Variants in CACHD1 observed in about 807,000 individuals in gnomAD.
The protein encoded by CACHD1 is cache domain containing 1, also known as VWFA and cache domain-containing protein 1.
A neutral mutation model predicts 138.7 loss-of-function variants in CACHD1; 71 were observed. The ratio of observed to expected loss-of-function variants is 0.51; its 90% CI spans 0.42 to 0.62. The LOEUF (loss-of-function observed/expected upper bound fraction) is 0.62. Among genes scored for constraint, CACHD1 ranks in the 20% least tolerant of loss-of-function variants. The probability of loss-of-function intolerance (pLI) is 0.00; values close to 1 mark genes in which losing one functional copy is unlikely to be tolerated. For missense variants in CACHD1, 1,389 were observed against 1,625.3 expected (o/e 0.85, Z 2.50); for synonymous variants, 578 against 591.5 (o/e 0.98, Z 0.33).
At chr1:64,562,269 G>C (rs1394827305) in intron 2 of CACHD1, among the ~76,000 whole-genome samples, 1 of 151,986 alleles carries the variant, frequency 6.6e-6, no homozygotes, top group Non-Finnish European at 1.5e-5. Flanking sequence ...TGCTCTCCTT[G>C]TAGGTCTCTG....
chr1:64,604,947 AG>A (rs1647292944), intron 4 of CACHD1, among the ~76,000 whole-genome samples: 1 of 147,244 alleles, frequency 6.8e-6, no homozygotes, highest in Non-Finnish European at 1.5e-5. Context: ...CACCTCGCCT[AG>A]GCTTTTTTTC....
chr1:64,477,345 G>C (rs1646179737), intron 1 of CACHD1, among the ~76,000 whole-genome samples: 1 of 152,124 alleles, frequency 6.6e-6, no homozygotes, highest in South Asian at 2.1e-4. Flanking sequence ...TTTAAGATAT[G>C]GTTCACGGAC....
chr1:64,539,808 A>G (rs1050543955), intron 1 of CACHD1, among the ~76,000 whole-genome samples: 2 of 152,180 alleles, frequency 1.3e-5, no homozygotes. Context: ...CTCTCACCCA[A>G]GCTTTTTTTC....
chr1:64,691,114 TTG>T (rs929028716), intron 26 of CACHD1, among the ~76,000 whole-genome samples: 7 of 152,172 alleles, frequency 4.6e-5, no homozygotes, highest in African/African-American at 1.7e-4. Context: ...TATGTATTTA[TTG>T]TGTCATTGTT....
Position 64,692,599 on chromosome 1 carries a change from G to A in CACHD1, c.*1038G>A, listed in dbSNP as rs538148336. On this transcript the variant is annotated 3_prime_UTR_variant, in exon 27 of 27. Coordinates refer to ENST00000651257, the MANE Select transcript of CACHD1 (RefSeq NM_020925.4). The stretch of plus-strand genomic sequence containing the variant: ...AGAATATTGACATATAAGGGAAGAA[G>A]TTTTCTAAATTGTGAAAGTCTGGTT... 5 of 152,200 alleles carry A rather than the reference G, an allele frequency of 3.3e-5. No homozygotes were observed. Among genetic ancestry groups the A allele is most frequent in the Non-Finnish European group, 5.9e-5 (4 of 68,004 alleles). 9.4% of individuals were successfully genotyped at this position (152,200 alleles called of 1,614,324 possible).
intron 1 of CACHD1, among the ~76,000 whole-genome samples, chr1:64,510,587 T>C (rs1646413080): frequency 6.6e-6 from 1 of 152,224 alleles, no homozygotes; most frequent in South Asian, 2.1e-4. Context: ...ACCTAACCAC[T>C]AAGTTTCTGC....
intron 1 of CACHD1, among the ~76,000 whole-genome samples, chr1:64,548,807 G>A (rs1646737304): frequency 6.6e-6 from 1 of 152,216 alleles, no homozygotes. Context: ...AATGTGTTAT[G>A]TAAAACTTTT....
chr1:64,542,982 CACATCA>C (rs1170791075), intron 1 of CACHD1, among the ~76,000 whole-genome samples: 3 of 146,430 alleles, frequency 2.0e-5, no homozygotes, highest in African/African-American at 8.2e-5. Context: ...CATCCACACA[CACATCA>C]ACACACACAC....
intron 3 of CACHD1, among the ~76,000 whole-genome samples, chr1:64,599,226 A>G (rs370173285): frequency 2.0e-5 from 3 of 152,192 alleles, no homozygotes; most frequent in African/African-American, 7.2e-5. Context: ...GACGAAGACA[A>G]TTGATTAGTG....
At chr1:64,478,529 C>A (rs1646189980) in intron 1 of CACHD1, among the ~76,000 whole-genome samples, 1 of 152,172 alleles carries the variant, frequency 6.6e-6, no homozygotes, top group African/African-American at 2.4e-5. Flanking sequence ...GTCTTCTGAT[C>A]AGTCTGTCAG....
intron 4 of CACHD1, among the ~76,000 whole-genome samples, chr1:64,604,802 A>G (rs1358223538): frequency 2.0e-5 from 3 of 151,528 alleles, no homozygotes. Flanking sequence ...ATAGGTGCCC[A>G]CCACCACACC....
chr1:64,666,979 A>T (rs1649657236), intron 16 of CACHD1, among the ~76,000 whole-genome samples: 1 of 152,088 alleles, frequency 6.6e-6, no homozygotes, highest in Non-Finnish European at 1.5e-5. Flanking sequence ...TTAAAAAAAA[A>T]TTGTCCTTGA....
chr1:64,679,172 C>T (rs1422298260), intron 23 of CACHD1, among the ~76,000 whole-genome samples: 2 of 152,180 alleles, frequency 1.3e-5, no homozygotes, highest in African/African-American at 4.8e-5. Flanking sequence ...CCATAAGCTT[C>T]GAAACTTGAT....
chr1:64,627,669 T>C (rs1255654013), intron 4 of CACHD1, among the ~76,000 whole-genome samples: 1 of 152,190 alleles, frequency 6.6e-6, no homozygotes, highest in Non-Finnish European at 1.5e-5. Context: ...ATGCTACATA[T>C]GGTATAAAAA....
intron 1 of CACHD1, among the ~76,000 whole-genome samples, chr1:64,516,928 TCAGA>T (rs1285124445): frequency 1.3e-5 from 2 of 152,124 alleles, no homozygotes; most frequent in African/African-American, 4.8e-5. Flanking sequence ...TTAACTGGAG[TCAGA>T]CAGACTTGGG....
chr1:64,608,229 A>G (rs1412603604), intron 4 of CACHD1, among the ~76,000 whole-genome samples: 3 of 152,200 alleles, frequency 2.0e-5, no homozygotes, highest in African/African-American at 4.8e-5. Context: ...GCAACATTCT[A>G]CTAGGCAGTG....
intron 3 of CACHD1, among the ~76,000 whole-genome samples, chr1:64,597,378 G>A (rs1647162256): frequency 6.6e-6 from 1 of 152,084 alleles, no homozygotes; most frequent in South Asian, 2.1e-4. Flanking sequence ...CGTCAATCAA[G>A]TGAACATCTT....
intron 24 of CACHD1, among the ~76,000 whole-genome samples, 173 bp downstream of exon 24, chr1:64,679,929 C>G (rs1650116763): frequency 6.6e-6 from 1 of 152,194 alleles, no homozygotes; most frequent in African/African-American, 2.4e-5. Flanking sequence ...ACCCTACAAG[C>G]TCTATTTTGA....
chr1:64,472,499 T>C (rs1288111300), intron 1 of CACHD1, among the ~76,000 whole-genome samples: 2 of 152,192 alleles, frequency 1.3e-5, no homozygotes, highest in African/African-American at 4.8e-5. Context: ...TGCAATGGAG[T>C]TGGGTTTTCT....
Sources: gnomAD v4.1 joint callset for allele counts (sites outside exome capture counted in the v4.1 genomes callset) on GRCh38, gnomAD v4.1.1 for gene constraint, MANE v1.5 for transcripts, NCBI Gene and HGNC (gene_info 2026-07-23, HGNC 2026-07-21) for gene names.